Variants in STMN4 observed in about 807,000 individuals in gnomAD.
The protein encoded by STMN4 is stathmin 4.
Under a neutral mutation model 29.1 loss-of-function variants are expected in STMN4, and 12 were observed. The observed-to-expected ratio is 0.41, with a 90% CI of 0.26 to 0.67. The LOEUF is 0.67. Ranked by LOEUF, STMN4 falls within the 30% of genes least tolerant of loss-of-function variation. The pLI is 0.30. For synonymous variants in STMN4, 114 were observed against 105.3 expected (o/e 1.08, Z -0.51); for missense variants, 181 against 262.8 (o/e 0.69, Z 2.15).
chr8:27,249,286 G>C (rs934165756), intron 1 of STMN4, among the ~76,000 whole-genome samples: 7 of 152,314 alleles, frequency 4.6e-5, no homozygotes, highest in African/African-American at 1.7e-4. Flanking sequence ...TTGAATGTCA[G>C]AGATGGAGAG....
In STMN4 at chr8:27,236,678, G is replaced by A. The variant is rs903164625; in HGVS notation, c.*168C>T. 3.8e-6 allele frequency: 2 copies of A among 519,484 alleles called. No individual in the cohort carries two copies. Among genetic ancestry groups the A allele is most frequent in the Non-Finnish European group, 6.6e-6 (2 of 304,542 alleles). The allele number at this position is 519,484 out of a possible 1,614,324, so 32.2% of individuals were successfully genotyped here. On this transcript the variant is annotated 3_prime_UTR_variant, in exon 7 of 7. Transcript: ENST00000350889. Reference sequence around the variant, plus strand: ...CGGAAACAAATAGGATGGCTTCACTGGTCAATTCTTAACATGTACAAACAC... The same window carrying A: ...CGGAAACAAATAGGATGGCTTCACTAGTCAATTCTTAACATGTACAAACAC...
chr8:27,245,881 C>T (rs1276875196), intron 1 of STMN4, among the ~76,000 whole-genome samples: 1 of 152,202 alleles, frequency 6.6e-6, no homozygotes, highest in Admixed American at 6.5e-5. Flanking sequence ...TCGACACCCA[C>T]CACATTATCC....
chr8:27,248,914 A>G (rs1801706689), intron 1 of STMN4, among the ~76,000 whole-genome samples: 1 of 152,240 alleles, frequency 6.6e-6, no homozygotes, highest in African/African-American at 2.4e-5. Context: ...TGCTGGATTG[A>G]GTTCCACTCT....
intron 6 of STMN4, among the ~76,000 whole-genome samples, chr8:27,238,356 C>T (rs543557514): frequency 2.2e-4 from 33 of 152,342 alleles, no homozygotes; most frequent in African/African-American, 7.7e-4. Flanking sequence ...ACCCAACCTC[C>T]CGCCTCCACC....
chr8:27,251,152 C>T (rs1341247281), intron 1 of STMN4, among the ~76,000 whole-genome samples: 1 of 152,078 alleles, frequency 6.6e-6, no homozygotes, highest in East Asian at 1.9e-4. Flanking sequence ...ACTCGGGAGG[C>T]TGTGGCAGGA....
In STMN4 at chr8:27,242,415, A is replaced by G. The variant is rs1358249817; in HGVS notation, c.91T>C (p.Ser31Pro). 1.9e-6 allele frequency: 3 copies of G among 1,614,162 alleles called. No individual in the cohort carries two copies. The highest frequency in any genetic ancestry group is 4.5e-5 in the East Asian group (2 of 44,860). ...SCFLADPLNK[S>P]SYKYEGWCGR... is the part of the protein sequence containing the mutation. ...CACTGACCTTCATATTTGTAGGACG[A>G]CTTATTCAGGGGATCGGCCAGGAAG... The change falls in exon 3 of 7, where the codon TCG becomes CCG. Residue 31 changes from serine (S) to proline (P), a missense_variant. Ser to Pro is a moderately conservative substitution (Grantham distance 74). Coordinates refer to ENST00000350889, the MANE Select transcript of STMN4 (RefSeq NM_030795.4).
At chr8:27,250,456 G>C (rs1801750717) in intron 1 of STMN4, among the ~76,000 whole-genome samples, 1 of 152,226 alleles carries the variant, frequency 6.6e-6, no homozygotes, top group Non-Finnish European at 1.5e-5. Context: ...ACAGGTCCCT[G>C]GATGGGTATC....
intron 6 of STMN4, among the ~76,000 whole-genome samples, chr8:27,237,628 C>A (rs1355934722): frequency 6.6e-6 from 1 of 152,178 alleles, no homozygotes; most frequent in Non-Finnish European, 1.5e-5. Flanking sequence ...GACTTTCTTA[C>A]ACCTATTATA....
At chr8:27,240,296 A>G (rs1174591364) in intron 5 of STMN4, 134 bp from the exon 6 acceptor site, 14 of 917,570 alleles carry the variant, frequency 1.5e-5, no homozygotes, top group Non-Finnish European at 2.1e-5. Context: ...ATTAGCAGGA[A>G]ACAAGGACAC....
At chr8:27,254,159 A>G (rs980516715) in intron 1 of STMN4, among the ~76,000 whole-genome samples, 1 of 152,138 alleles carries the variant, frequency 6.6e-6, no homozygotes, top group African/African-American at 2.4e-5. Flanking sequence ...TCCAGGATCA[A>G]TAGTTGAATT....
intron 4 of STMN4, 91 bp downstream of exon 4, chr8:27,241,586 C>A (rs2130068911): frequency 1.4e-6 from 2 of 1,466,788 alleles, no homozygotes; most frequent in South Asian, 1.2e-5. Context: ...TCCGTGGTGA[C>A]AGGCAGGGGT....
At chr8:27,255,088 C>T (rs554322298) in intron 1 of STMN4, among the ~76,000 whole-genome samples, 39 of 152,136 alleles carry the variant, frequency 2.6e-4, no homozygotes, top group African/African-American at 9.4e-4. Flanking sequence ...TTTTAAATGG[C>T]AGGGAAGAAT....
At chr8:27,252,901 C>T (rs1356738192) in intron 1 of STMN4, among the ~76,000 whole-genome samples, 1 of 152,218 alleles carries the variant, frequency 6.6e-6, no homozygotes, top group East Asian at 1.9e-4. Context: ...GCTTAAAATT[C>T]TCACCATTAT....
chr8:27,245,900 C>A (rs1399339765), intron 1 of STMN4, among the ~76,000 whole-genome samples: 2 of 152,204 alleles, frequency 1.3e-5, no homozygotes, highest in African/African-American at 2.4e-5. Context: ...CCTAGTCTAA[C>A]TTTGCATGAA....
rs768569880 is a variant in STMN4, at chr8:27,236,854, A to G, written c.643T>C (p.Ser215Pro). 2 of 1,605,056 alleles carry G rather than the reference A, an allele frequency of 1.2e-6. No homozygotes were observed. Among genetic ancestry groups the G allele is most frequent in the African/African-American group, 2.7e-5 (2 of 74,624 alleles). The change falls in exon 7 of 7, where the codon TCC (serine) becomes CCC (proline). Residue 215 changes from serine to proline, a missense_variant. Transcript: ENST00000350889. ...RKNKELKEEASR is the reference protein window; with the variant it reads ...RKNKELKEEAPR Reference sequence around the variant, plus strand: ...TCTTTGGCCTCTAGGCTTTACCTGGAGGCCTCTTCCTTCAGCTCCTTGTTT... The same window carrying G: ...TCTTTGGCCTCTAGGCTTTACCTGGGGGCCTCTTCCTTCAGCTCCTTGTTT...
At chr8:27,239,372 C>T in intron 6 of STMN4, 1 of 1,409,332 alleles carries the variant, frequency 7.1e-7, no homozygotes, top group Non-Finnish European at 9.6e-7. Flanking sequence ...AGCGTGTTCT[C>T]AGCAGAACGG....
At chr8:27,239,876 T>G (rs1018222679) in intron 6 of STMN4, 95 bp downstream of exon 6, 1 of 1,598,252 alleles carries the variant, frequency 6.3e-7, no homozygotes, top group African/African-American at 1.3e-5. Flanking sequence ...CTGAGGCTGC[T>G]TCCTCCCTGA....
At chr8:27,246,073 C>T (rs1253298344) in intron 1 of STMN4, among the ~76,000 whole-genome samples, 3 of 152,182 alleles carry the variant, frequency 2.0e-5, no homozygotes, top group African/African-American at 2.4e-5. Flanking sequence ...CCATTGTAAC[C>T]AGTGGAAGAA....
At chr8:27,252,532 C>T (rs1801820949) in intron 1 of STMN4, among the ~76,000 whole-genome samples, 1 of 152,190 alleles carries the variant, frequency 6.6e-6, no homozygotes, top group Middle Eastern at 3.2e-3. Context: ...CTTAAGTGAT[C>T]CTTTGGCCTC....
Sources: allele counts gnomAD v4.1 joint callset (sites outside exome capture counted in the v4.1 genomes callset), GRCh38; gene constraint gnomAD v4.1.1; transcripts MANE v1.5; gene names NCBI Gene and HGNC (gene_info 2026-07-23, HGNC 2026-07-21).